Variants in GALNT14 observed in about 807,000 individuals in gnomAD.
GALNT14 encodes UDP-GalNAc:polypeptide N-acetylgalactosaminyltransferase 14.
A neutral mutation model predicts 77.5 loss-of-function variants in GALNT14; 60 were observed. That is an observed-to-expected ratio of 0.77 (90% CI 0.63 to 0.96). The LOEUF is 0.96. Ranked by LOEUF, GALNT14 falls within the 40% of genes least tolerant of loss-of-function variation. The pLI is 0.00. For missense variants in GALNT14, 710 were observed against 731.0 expected, an observed-to-expected ratio of 0.97 and a Z score of 0.33; for synonymous variants, 280 against 281.7, an observed-to-expected ratio of 0.99 and a Z score of 0.06.
At chr2:30,891,484 A>G in the GALNT14 span, among the ~76,000 whole-genome samples, 7 of 152,218 alleles carry the variant, frequency 4.6e-5, no homozygotes, top group Admixed American at 3.9e-4. Flanking sequence ...AAAAATTAAA[A>G]AGCAAAGCAA....
intron 13 of GALNT14, among the ~76,000 whole-genome samples, chr2:30,913,943 A>G (rs1049901206): frequency 6.6e-6 from 1 of 152,206 alleles, no homozygotes; most frequent in African/African-American, 2.4e-5. Context: ...GGACATATCA[A>G]GAAGTTCTTC....
intron 1 of GALNT14, among the ~76,000 whole-genome samples, chr2:31,029,731 G>A (rs931899944): frequency 3.3e-5 from 5 of 152,190 alleles, no homozygotes; most frequent in Non-Finnish European, 5.9e-5. Flanking sequence ...GGCTCTCCAC[G>A]TGACCTCCTG....
At chr2:30,990,685 T>C (rs1050658614) in intron 2 of GALNT14, among the ~76,000 whole-genome samples, 1 of 152,220 alleles carries the variant, frequency 6.6e-6, no homozygotes, top group Admixed American at 6.5e-5. Flanking sequence ...CCTAGATGGC[T>C]GCTGGTCCCA....
At position 30,992,919 on chromosome 2, in the gene GALNT14, G is replaced by T; in HGVS notation, c.218C>A (p.Pro73His). The T allele has an allele frequency of 6.2e-7, 1 of 1,614,162 alleles. No homozygotes were observed. Among genetic ancestry groups the T allele is most frequent in the Non-Finnish European group, 8.5e-7 (1 of 1,180,014 alleles). The change falls in exon 2 of 15, where the codon CCC (proline) becomes CAC (histidine). Residue 73 changes from proline to histidine, a missense_variant. Pro to His is a moderately conservative substitution (Grantham distance 77). Coordinates refer to ENST00000349752, the MANE Select transcript of GALNT14 (RefSeq NM_024572.4). ...CTGGTTGAAAGCATACAGCTTATAG[G>T]GGTCGTCACCAACGCGCCACTTTTT... Reference protein sequence around the residue: ...NAKKWRVGDDPYKLYAFNQRE... With the variant: ...NAKKWRVGDDHYKLYAFNQRE...
At chr2:30,902,682 A>T in the GALNT14 span, among the ~76,000 whole-genome samples, 10 of 152,200 alleles carry the variant, frequency 6.6e-5, no homozygotes, top group African/African-American at 2.2e-4. Flanking sequence ...CTTGTCCCAG[A>T]CAAGGAATAG....
chr2:30,930,504 A>G (rs1305068322), intron 10 of GALNT14, among the ~76,000 whole-genome samples: 3 of 152,234 alleles, frequency 2.0e-5, no homozygotes. Flanking sequence ...AGAGACAGAC[A>G]CTAAGGATCC....
chr2:31,134,446 A>G (rs1679135066), intron 1 of GALNT14, among the ~76,000 whole-genome samples: 1 of 152,198 alleles, frequency 6.6e-6, no homozygotes, highest in Non-Finnish European at 1.5e-5. Context: ...AACTCACTCA[A>G]AAACCAACTT....
chr2:30,929,432 C>A lies in GALNT14; in HGVS notation c.1114G>T (p.Ala372Ser), dbSNP rs531692673. The change falls in exon 11 of 15, where the codon GCT becomes TCT. Residue 372 changes from alanine (A) to serine (S), a missense_variant. Physicochemically the swap from Ala to Ser is moderately conservative, Grantham distance 99. Coordinates refer to ENST00000349752, the MANE Select transcript of GALNT14 (RefSeq NM_024572.4). ...WMDEYKQYYY[A>S]ARPFALERPF... ...CTCTCCAGGGCGAATGGCCGGGCAG[C>A]GTAATAGTATTGCTTGTATTCATCC... 8 of 1,614,138 alleles carry A rather than the reference C, an allele frequency of 5.0e-6. No homozygotes were observed. In the East Asian group the frequency reaches 1.8e-4, roughly 36 times the overall value.
At chr2:31,042,087 T>G in intron 1 of GALNT14, among the ~76,000 whole-genome samples, 1 of 152,258 alleles carries the variant, frequency 6.6e-6, no homozygotes, top group East Asian at 1.9e-4. Flanking sequence ...GTTATATAAG[T>G]GTGCACTCAG....
At chr2:31,008,514 A>G (rs907089595) in intron 1 of GALNT14, among the ~76,000 whole-genome samples, 6 of 152,124 alleles carry the variant, frequency 3.9e-5, no homozygotes, top group South Asian at 4.1e-4. Flanking sequence ...CGTCTCACTC[A>G]CTAAATGGCT....
chr2:30,963,198 G>A (rs72855216), intron 3 of GALNT14, among the ~76,000 whole-genome samples: 3 of 152,162 alleles, frequency 2.0e-5, no homozygotes, highest in South Asian at 4.2e-4. Context: ...GCTGATGGGC[G>A]CCAAGAACCC....
At chr2:31,053,715 T>G (rs1056035121) in intron 1 of GALNT14, among the ~76,000 whole-genome samples, 1 of 152,122 alleles carries the variant, frequency 6.6e-6, no homozygotes, top group Non-Finnish European at 1.5e-5. Context: ...TCCCAGGAGC[T>G]CAAAGCCCAC....
rs377591303 is a variant in GALNT14 at position 30,966,207 on chromosome 2, C to T, written c.395G>A (p.Arg132His). 2.2e-5 allele frequency: 35 copies of T among 1,613,398 alleles called. No individual in the cohort carries two copies. Among genetic ancestry groups the T allele is most frequent in the South Asian group, 6.6e-5 (6 of 91,062 alleles). ...EARSTLLRTI[R>H]SVLNRTPTHL... ...CAGACAAGCAAGGATGCCTCACCTG[C>T]GGATGGTCCTGAGCAGCGTGGAGCG... Residue 132 changes from arginine (R) to histidine (H), a missense_variant, in exon 3 of 15, where the codon CGC (arginine) becomes CAC (histidine). Coordinates refer to ENST00000349752, the MANE Select transcript of GALNT14 (RefSeq NM_024572.4).
the GALNT14 span, among the ~76,000 whole-genome samples, chr2:30,898,848 G>A: frequency 6.6e-6 from 1 of 152,186 alleles, no homozygotes; most frequent in African/African-American, 2.4e-5. Context: ...TGGAGGCAAA[G>A]AAGAGGGAGC....
intron 9 of GALNT14, among the ~76,000 whole-genome samples, chr2:30,935,668 A>G (rs981168765): frequency 6.6e-6 from 1 of 152,200 alleles, no homozygotes. Flanking sequence ...GGGTTATTTA[A>G]AATGTGGGAT....
intron 6 of GALNT14, among the ~76,000 whole-genome samples, chr2:30,954,294 A>G (rs1436476687): frequency 6.6e-6 from 1 of 152,206 alleles, no homozygotes; most frequent in East Asian, 1.9e-4. Flanking sequence ...GCCCTTCAAC[A>G]TTTCCCAATC....
intron 1 of GALNT14, among the ~76,000 whole-genome samples, chr2:31,133,755 A>C (rs1679094690): frequency 6.6e-6 from 1 of 152,238 alleles, no homozygotes. Context: ...GCTACTTTTA[A>C]GTGGCATAGT....
intron 1 of GALNT14, among the ~76,000 whole-genome samples, chr2:31,133,282 A>G (rs868611235): frequency 6.6e-6 from 1 of 152,238 alleles, no homozygotes; most frequent in Non-Finnish European, 1.5e-5. Context: ...TTGGACAGTT[A>G]CAAAATTCCC....
chr2:30,910,030 A>T (rs1314516804), downstream of GALNT14, among the ~76,000 whole-genome samples: 5 of 134,040 alleles, frequency 3.7e-5, no homozygotes, highest in Non-Finnish European at 7.7e-5. Flanking sequence ...TGGACACAGG[A>T]AGGGGAATAT....
Sources: allele counts gnomAD v4.1 joint callset (sites outside exome capture counted in the v4.1 genomes callset), GRCh38; gene constraint gnomAD v4.1.1; transcripts MANE v1.5; gene names NCBI Gene and HGNC (gene_info 2026-07-23, HGNC 2026-07-21).